The following COL15A1 variants were observed in gnomAD, a reference collection of about 807,000 sequenced individuals.
COL15A1 encodes collagen alpha-1(XV) chain.
Under a neutral mutation model 165.9 loss-of-function variants are expected in COL15A1, and 111 were observed. The ratio of observed to expected loss-of-function variants is 0.67; its 90% CI spans 0.57 to 0.78. The LOEUF (loss-of-function observed/expected upper bound fraction) is 0.78, where lower values mean the gene tolerates loss of function less well. Among genes scored for constraint, COL15A1 ranks in the 30% least tolerant of loss-of-function variants. The pLI is 0.00. For missense variants in COL15A1, 1,745 were observed against 1,789.7 expected (o/e 0.98, Z 0.45); for synonymous variants, 659 against 674.8 (o/e 0.98, Z 0.36).
chr9:99,030,475 A>G (rs372600620), intron 16 of COL15A1, among the ~76,000 whole-genome samples: 1 of 152,090 alleles, frequency 6.6e-6, no homozygotes. Context: ...TCTTCTACCC[A>G]CAAGTTAATC....
intron 2 of COL15A1, among the ~76,000 whole-genome samples, chr9:98,958,083 C>T (rs1269597223): frequency 2.0e-5 from 3 of 152,254 alleles, no homozygotes; most frequent in African/African-American, 7.2e-5. Context: ...GAGCCCATGA[C>T]ATGCCGGAGG....
chr9:98,962,051 C>T (rs1837874304), intron 2 of COL15A1, among the ~76,000 whole-genome samples: 3 of 152,226 alleles, frequency 2.0e-5, no homozygotes. Context: ...TCCAGTCAGT[C>T]CTGGCTTTGG....
At chr9:98,965,004 G>A (rs1397511351) in intron 2 of COL15A1, among the ~76,000 whole-genome samples, 2 of 152,186 alleles carry the variant, frequency 1.3e-5, no homozygotes, top group Non-Finnish European at 2.9e-5. Flanking sequence ...CTGTTCCCAG[G>A]GCAGCTTGAT....
Position 99,025,796 on chromosome 9 carries a change from G to A in COL15A1, c.1981-108G>A, listed in dbSNP as rs955260941. 10 of 1,176,840 alleles carry A rather than the reference G, an allele frequency of 8.5e-6. No individual in the cohort carries two copies. The East Asian group carries it at 1.0e-4, about 12-fold the overall frequency. 72.9% of individuals were successfully genotyped at this position (1,176,840 alleles called of 1,614,324 possible). A position where few individuals can be genotyped will look rare whatever the true frequency, so the allele number is the denominator to read the frequency against. On this transcript the variant is annotated intron_variant, in intron 15 of 41. Coordinates refer to ENST00000375001, the MANE Select transcript of COL15A1 (RefSeq NM_001855.5). ...CCTTGCACCTGACATGAGGCCCTGG[G>A]CCCACCAGCCTCACCTGCCTCCCAA... is the stretch of plus-strand genomic sequence containing the variant.
chr9:99,064,516 T>C (rs902543792), intron 39 of COL15A1, among the ~76,000 whole-genome samples: 1 of 152,160 alleles, frequency 6.6e-6, no homozygotes, highest in Admixed American at 6.5e-5. Flanking sequence ...AGATGAGCCA[T>C]GCAATTACTA....
chr9:99,035,185 A>G, intron 18 of COL15A1, 31 bp downstream of exon 18: 4 of 1,580,768 alleles, frequency 2.5e-6, no homozygotes, highest in Non-Finnish European at 3.4e-6. Context: ...GGTTATAAAA[A>G]TGATGTGTAC....
At chr9:99,057,453 T>C (rs1165462533) in intron 35 of COL15A1, among the ~76,000 whole-genome samples, 1 of 152,216 alleles carries the variant, frequency 6.6e-6, no homozygotes, top group Admixed American at 6.5e-5. Flanking sequence ...CCTCCTCATA[T>C]GCAAAACTGG....
chr9:99,066,859 C>A (rs1393904067), intron 39 of COL15A1, 23 bp from the exon 40 acceptor site: 1 of 1,601,002 alleles, frequency 6.2e-7, no homozygotes, highest in Admixed American at 1.7e-5. Context: ...TCTGACTGCT[C>A]TCTTTTGTCT....
At chr9:99,025,025 T>A in intron 15 of COL15A1, 26 bp downstream of exon 15, 7 of 1,607,316 alleles carry the variant, frequency 4.4e-6, no homozygotes, top group South Asian at 1.1e-5. Context: ...CTTCTCCCCA[T>A]CTCTGTGGCT....
At chr9:99,043,437 G>C (rs1057446975) in intron 24 of COL15A1, among the ~76,000 whole-genome samples, 1 of 152,048 alleles carries the variant, frequency 6.6e-6, no homozygotes, top group Non-Finnish European at 1.5e-5. Flanking sequence ...GGATCTAGAG[G>C]GACGGACATG....
intron 40 of COL15A1, 43 bp from the exon 41 acceptor site, chr9:99,068,512 G>A: frequency 2.5e-6 from 2 of 787,220 alleles, no homozygotes; most frequent in Non-Finnish European, 3.9e-6. Context: ...TCATTTGTAG[G>A]CTGATGGTAT....
At chr9:98,984,529 G>A (rs1838278520) in intron 2 of COL15A1, among the ~76,000 whole-genome samples, 2 of 152,170 alleles carry the variant, frequency 1.3e-5, no homozygotes, top group Admixed American at 6.5e-5. Flanking sequence ...AAGTAAGATG[G>A]GGATAAGAGT....
At chr9:99,054,755 C>A in intron 32 of COL15A1, 99 bp downstream of exon 32, 2 of 1,314,860 alleles carry the variant, frequency 1.5e-6, no homozygotes, top group Non-Finnish European at 2.1e-6. Flanking sequence ...AGACTAATGA[C>A]ATTCCACCCT....
At chr9:98,976,128 T>C (rs1456193121) in intron 2 of COL15A1, among the ~76,000 whole-genome samples, 1 of 152,150 alleles carries the variant, frequency 6.6e-6, no homozygotes, top group East Asian at 1.9e-4. Context: ...TGTTCCAGGC[T>C]TAGCTCCATG....
Position 99,056,318 on chromosome 9 carries a change from C to G in COL15A1, c.3251C>G (p.Pro1084Arg). Reference protein sequence around the residue: ...PQGPPGAPGLPGPPGFGRPGD... With the variant: ...PQGPPGAPGLRGPPGFGRPGD... ...GGACCCCCAGGTGCTCCTGGTCTGCCTGGGCCACCTGGCTTTGGAAGACCT... is the reference window on the plus strand; with the variant it reads ...GGACCCCCAGGTGCTCCTGGTCTGCGTGGGCCACCTGGCTTTGGAAGACCT... The change falls in exon 35 of 42, where the codon CCT (proline) becomes CGT (arginine). Residue 1084 changes from proline to arginine, a missense_variant. Physicochemically the swap from Pro to Arg is moderately radical, Grantham distance 103. Coordinates refer to ENST00000375001, the MANE Select transcript of COL15A1 (RefSeq NM_001855.5). 6.2e-7 allele frequency: 1 copy of G among 1,614,078 alleles called. No homozygotes were observed. The highest frequency in any genetic ancestry group is 8.5e-7 in the Non-Finnish European group (1 of 1,180,020).
intron 2 of COL15A1, among the ~76,000 whole-genome samples, chr9:98,962,785 G>T (rs373526187): frequency 2.0e-5 from 3 of 152,176 alleles, no homozygotes; most frequent in East Asian, 1.9e-4. Flanking sequence ...GTGTTGAGGG[G>T]GCTATTAATG....
At chr9:98,997,717 C>G (rs1261842919) in intron 6 of COL15A1, 1 of 152,414 alleles carries the variant, frequency 6.6e-6, no homozygotes, top group Non-Finnish European at 1.5e-5. Context: ...ATCCAGGGCT[C>G]TGGCCCCTGC....
At chr9:98,984,109 G>A (rs550218717) in intron 2 of COL15A1, among the ~76,000 whole-genome samples, 104 of 152,212 alleles carry the variant, frequency 6.8e-4, no homozygotes, top group Non-Finnish European at 1.3e-3. Flanking sequence ...GACACTGCTC[G>A]ATTCTGATCC....
chr9:98,954,821 C>G (rs961634236), intron 2 of COL15A1, among the ~76,000 whole-genome samples: 1 of 152,164 alleles, frequency 6.6e-6, no homozygotes, highest in African/African-American at 2.4e-5. Flanking sequence ...TGTCTCTAAC[C>G]CAAAAGGAGC....
Sources: gnomAD v4.1 joint callset for allele counts (sites outside exome capture counted in the v4.1 genomes callset) on GRCh38, gnomAD v4.1.1 for gene constraint, MANE v1.5 for transcripts, NCBI Gene and HGNC (gene_info 2026-07-23, HGNC 2026-07-21) for gene names.